SIGIRR: variants seen among roughly 807,000 people sequenced by gnomAD.
SIGIRR encodes single Ig IL-1-related receptor.
Under a neutral mutation model 45.6 loss-of-function variants are expected in SIGIRR, and 41 were observed. The observed-to-expected ratio is 0.90, with a 90% CI of 0.70 to 1.17. SIGIRR has a LOEUF of 1.17. Ranked by LOEUF, SIGIRR falls within the 50% of genes most tolerant of loss-of-function variation. The pLI, the probability that SIGIRR is intolerant of heterozygous loss-of-function variation, is 0.00. For synonymous variants in SIGIRR, 298 were observed against 239.0 expected (o/e 1.25, Z -2.28); for missense variants, 599 against 539.6 (o/e 1.11, Z -1.09).
chr11:406,965 T>A lies in SIGIRR; in HGVS notation c.757A>T (p.Thr253Ser). The change falls in exon 8 of 10, where the codon ACC (threonine) becomes TCC (serine). Residue 253 changes from threonine to serine, a missense_variant. Transcript: ENST00000431843. ...AAGGTGATGAAGATGGGTCTGCGGG[T>A]GAGCTCCAGCAGCCGGCACAGGCCC... is the stretch of plus-strand genomic sequence containing the variant. ...REGLCRLLEL[T>S]RRPIFITFEG... is the part of the protein sequence containing the mutation. The A allele has an allele frequency of 6.2e-7, 1 of 1,600,740 alleles. No homozygotes were observed. The highest frequency in any genetic ancestry group is 8.5e-7 in the Non-Finnish European group (1 of 1,177,240).
rs776669546 is a variant in SIGIRR, at chr11:405,952, G to C, written c.1177C>G (p.Arg393Gly). Residue 393 changes from arginine to glycine, a missense_variant, in exon 10 of 10, where the codon CGA (arginine) becomes GGA (glycine). Coordinates refer to ENST00000431843, the MANE Select transcript of SIGIRR (RefSeq NM_001135054.2). ...SEVDVSDLGS[R>G]NYSARTDFYC... ...AAGTCTGTGCGGGCACTGTAGTTTC[G>C]CGAGCCGAGATCCGAGACGTCCACT... 1.2e-6 allele frequency: 2 copies of C among 1,610,978 alleles called. No homozygotes were observed. The highest frequency in any genetic ancestry group is 3.3e-5 in the Admixed American group (2 of 59,844).
At position 406,453 on chromosome 11, in the gene SIGIRR, G is replaced by A. The variant is rs765393979; in HGVS notation, c.965C>T (p.Thr322Met). Reference protein sequence around the residue: ...QYRPVEGDPQTQLQDDKDPML... With the variant: ...QYRPVEGDPQMQLQDDKDPML... The stretch of plus-strand genomic sequence containing the variant: ...GGGGTCCTTGTCGTCCTGCAGCTGC[G>A]TCTGGGGGTCTCCTTCCACAGGCCT... Residue 322 changes from threonine to methionine, a missense_variant, in exon 9 of 10, where the codon ACG becomes ATG. Transcript: ENST00000431843. 6.2e-7 allele frequency: 1 copy of A among 1,612,646 alleles called. No homozygotes were observed. Among genetic ancestry groups the A allele is most frequent in the Non-Finnish European group, 8.5e-7 (1 of 1,179,844 alleles).
At chr11:408,584 G>C in intron 3 of SIGIRR, 111 bp downstream of exon 3, 1 of 1,292,562 alleles carries the variant, frequency 7.7e-7, no homozygotes, top group South Asian at 1.3e-5. Flanking sequence ...GAGGCACTCT[G>C]CTCGTGACAT....
intron 9 of SIGIRR, 94 bp downstream of exon 9, chr11:406,255 C>A: frequency 6.5e-7 from 1 of 1,549,716 alleles, no homozygotes; most frequent in Non-Finnish European, 8.7e-7. Context: ...GTCCTCAACA[C>A]CTGGAGCCCC....
chr11:414,608 C>T (rs773410496), intron 1 of SIGIRR, among the ~76,000 whole-genome samples: 2 of 152,178 alleles, frequency 1.3e-5, no homozygotes, highest in Admixed American at 1.3e-4. Flanking sequence ...CCCATTGCAA[C>T]GCTTGTCACA....
chr11:408,962 G>A lies in SIGIRR; in HGVS notation c.8-69C>T, dbSNP rs527529678. Reference sequence around the variant, plus strand: ...GGCCCCACCACCTCCACAGTGGTCCGTGGTGCAGGAAGAAATAAGGCCTCT... The same window carrying A: ...GGCCCCACCACCTCCACAGTGGTCCATGGTGCAGGAAGAAATAAGGCCTCT... On this transcript the variant is annotated intron_variant, in intron 2 of 9. Coordinates refer to ENST00000431843, the MANE Select transcript of SIGIRR (RefSeq NM_001135054.2). The A allele has an allele frequency of 1.1e-4, 157 of 1,440,370 alleles. No homozygotes were observed. In the Admixed American group the frequency reaches 1.3e-3, roughly 12 times the overall value. 89.2% of individuals were successfully genotyped at this position (1,440,370 alleles called of 1,614,324 possible). A position where few individuals can be genotyped will look rare whatever the true frequency, so the allele number is the denominator to read the frequency against.
chr11:410,585 GCTT>G (rs1847547619), intron 1 of SIGIRR, among the ~76,000 whole-genome samples: 3 of 104,580 alleles, frequency 2.9e-5, no homozygotes, highest in African/African-American at 7.8e-5. Context: ...TCGGCGGGGG[GCTT>G]TGCTTAGCTC....
upstream of SIGIRR, chr11:415,077 G>GGGCGGGA: frequency 6.1e-6 from 1 of 164,164 alleles, no homozygotes. This position sits in a 1 kb window ranked among gnomAD's most constrained non-coding sequence, Gnocchi z 6.6. Flanking sequence ...TTCCCTAGGC[G>GGGCGGGA]GGCGGGAGGA....
At chr11:406,327 G>T (rs371253036) in intron 9 of SIGIRR, 22 bp downstream of exon 9, 2 of 1,610,092 alleles carry the variant, frequency 1.2e-6, no homozygotes, top group African/African-American at 1.3e-5. Context: ...TCCAGTTGGG[G>T]AGTGGGGCTG....
At chr11:410,323 C>A (rs1847528808) in intron 1 of SIGIRR, among the ~76,000 whole-genome samples, 5 of 152,114 alleles carry the variant, frequency 3.3e-5, no homozygotes, top group Admixed American at 3.3e-4. Context: ...CTAGGTGGGA[C>A]CCTGTCTCCC....
Position 405,922 on chromosome 11 carries a change from AG to A in SIGIRR, c.1206del (p.Cys403AlafsTer63). 1 of 1,606,538 alleles carries A rather than the reference AG, an allele frequency of 6.2e-7. No homozygotes were observed. The highest frequency in any genetic ancestry group is 8.5e-7 in the Non-Finnish European group (1 of 1,175,246). Reference protein sequence around the residue: ...SRNYSARTDFYCLVSKDDM With the variant: ...SRNYSARTDFXCLVSKDDM ...TACATATCATCCTTGGACACCAGGC[AG>A]TAGAAGTCTGTGCGGGCACTGTAGT... On this transcript the variant is annotated frameshift_variant, in exon 10 of 10. Coordinates refer to ENST00000431843, the MANE Select transcript of SIGIRR (RefSeq NM_001135054.2). LOFTEE classifies it high-confidence loss of function.
chr11:409,587 C>T lies in SIGIRR; in HGVS notation c.7+281G>A, dbSNP rs569340519. ...CCTGCCAGCTCACATCGGCCACACC[C>T]TGCTGTGGGCCCCAGCAGTGCCCAC... is the stretch of plus-strand genomic sequence containing the variant. On this transcript the variant is annotated intron_variant, in intron 2 of 9. Coordinates refer to ENST00000431843, the MANE Select transcript of SIGIRR (RefSeq NM_001135054.2). 3.1e-4 allele frequency: 129 copies of T among 417,320 alleles called. No homozygotes were observed. Among genetic ancestry groups the T allele is most frequent in the Non-Finnish European group, 4.9e-4 (117 of 236,918 alleles). 25.9% of individuals were successfully genotyped at this position (417,320 alleles called of 1,614,324 possible). A position where few individuals can be genotyped will look rare whatever the true frequency, so the allele number is the denominator to read the frequency against.
chr11:412,803 C>T lies in SIGIRR; in HGVS notation c.-154+2020G>A, dbSNP rs141138172. Among the ~76,000 whole-genome samples, 9 of 152,174 alleles carry T rather than the reference C, an allele frequency of 5.9e-5. No homozygotes were observed. The South Asian group carries it at 6.2e-4, about 11-fold the overall frequency. ...TGAGCACAGACACCTCGAAACACCTCGGGAAACACCTCGGGAACCCTCAGC... is the reference window on the plus strand; with the variant it reads ...TGAGCACAGACACCTCGAAACACCTTGGGAAACACCTCGGGAACCCTCAGC... On this transcript the variant is annotated intron_variant, in intron 1 of 9. Coordinates refer to ENST00000431843, the MANE Select transcript of SIGIRR (RefSeq NM_001135054.2).
In SIGIRR at chr11:407,824, C is replaced by T. The variant is rs1194212178; in HGVS notation, c.474G>A (p.Glu158=). 6.2e-7 allele frequency: 1 copy of T among 1,612,566 alleles called. No individual in the cohort carries two copies. Among genetic ancestry groups the T allele is most frequent in the South Asian group, 1.1e-5 (1 of 91,082 alleles). Residue 158 remains glutamate (E), a synonymous_variant, in exon 5 of 10, where the codon GAG becomes GAA. Transcript: ENST00000431843. ...LWYQDAYGEV[E]INDGKLYDAY... Reference sequence around the variant, plus strand: ...CACGCGGGCCCCACGCACCGTTTATCTCCACCTCCCCATACGCGTCCTGGT... The same window carrying T: ...CACGCGGGCCCCACGCACCGTTTATTTCCACCTCCCCATACGCGTCCTGGT...
intron 5 of SIGIRR, 74 bp downstream of exon 5, chr11:407,743 A>G: frequency 6.3e-7 from 1 of 1,599,516 alleles, no homozygotes; most frequent in South Asian, 1.1e-5. Flanking sequence ...GCACGCCTCC[A>G]AAGCCGAGCT....
At chr11:413,489 A>C (rs1290416020) in intron 1 of SIGIRR, among the ~76,000 whole-genome samples, 1 of 151,964 alleles carries the variant, frequency 6.6e-6, no homozygotes, top group Non-Finnish European at 1.5e-5. Context: ...AACCCCTGGC[A>C]TCTCCTGCAG....
chr11:409,551 G>C (rs1283897684), intron 2 of SIGIRR: 9 of 404,154 alleles, frequency 2.2e-5, no homozygotes, highest in Non-Finnish European at 3.5e-5. Flanking sequence ...CTTCTCAGTA[G>C]GGTATGGTCT....
Position 408,872 on chromosome 11 carries a change from T to C in SIGIRR, c.29A>G (p.Asp10Gly). 2 of 1,612,536 alleles carry C rather than the reference T, an allele frequency of 1.2e-6. No homozygotes were observed. The highest frequency in any genetic ancestry group is 2.2e-5 in the South Asian group (2 of 91,080). Residue 10 changes from aspartate to glycine, a missense_variant, in exon 3 of 10, where the codon GAC becomes GGC. Transcript: ENST00000431843. The part of the protein sequence containing the change: MPGVCDRAP[D>G]FLSPSEDQVL... The stretch of plus-strand genomic sequence containing the variant: ...CTGGTCTTCAGACGGGGAGAGGAAG[T>C]CAGGGGCCCTATCACAGACACCTGA...
upstream of SIGIRR, among the ~76,000 whole-genome samples, chr11:416,664 G>A (rs974409973): frequency 6.6e-6 from 1 of 152,048 alleles, no homozygotes; most frequent in Non-Finnish European, 1.5e-5. This position sits in a 1 kb window ranked among gnomAD's most constrained non-coding sequence, Gnocchi z 9.1. Flanking sequence ...CCGCCCCTCC[G>A]CTCCCCGTGC....
Sources: allele counts gnomAD v4.1 joint callset (sites outside exome capture counted in the v4.1 genomes callset), GRCh38; gene constraint gnomAD v4.1.1; non-coding constraint Gnocchi (gnomAD v3.1); transcripts MANE v1.5; gene names NCBI Gene and HGNC (gene_info 2026-07-23, HGNC 2026-07-21).